The following UMAD1 variants were observed in gnomAD, a reference collection of about 807,000 sequenced individuals.
UMAD1 encodes UBAP1-MVB12-associated (UMA) domain containing 1.
A neutral mutation model predicts 6.1 loss-of-function variants in UMAD1; 8 were observed. The ratio of observed to expected loss-of-function variants is 1.30; its 90% CI spans 0.76 to 2.35. UMAD1 has a LOEUF of 2.35. Among genes scored for constraint, UMAD1 ranks in the 30% most tolerant of loss-of-function variants. The probability of loss-of-function intolerance (pLI) is 0.00; values close to 1 mark genes in which losing one functional copy is unlikely to be tolerated. For missense variants in UMAD1, 130 were observed against 78.4 expected, an observed-to-expected ratio of 1.66 and a Z score of -2.49; for synonymous variants, 56 against 31.4, an observed-to-expected ratio of 1.78 and a Z score of -2.61.
intron 2 of UMAD1, among the ~76,000 whole-genome samples, chr7:7,766,297 C>CT (rs1021525920): frequency 6.6e-6 from 1 of 152,138 alleles, no homozygotes; most frequent in Non-Finnish European, 1.5e-5. Flanking sequence ...TTTATTACTT[C>CT]TTTTTGCAGA....
At chr7:7,743,995 T>G (rs1781521782) in intron 2 of UMAD1, among the ~76,000 whole-genome samples, 1 of 152,166 alleles carries the variant, frequency 6.6e-6, no homozygotes, top group Non-Finnish European at 1.5e-5. Flanking sequence ...CACACAATTG[T>G]ATAACCATTA....
intron 2 of UMAD1, among the ~76,000 whole-genome samples, chr7:7,716,413 T>C (rs1780905896): frequency 6.6e-6 from 1 of 152,218 alleles, no homozygotes; most frequent in Admixed American, 6.5e-5. Flanking sequence ...CCCAAATCAT[T>C]TCTTTTCTAA....
intron 2 of UMAD1, among the ~76,000 whole-genome samples, chr7:7,685,572 T>C (rs542913093): frequency 5.9e-5 from 9 of 152,232 alleles, no homozygotes; most frequent in South Asian, 2.1e-4. Flanking sequence ...AATCCCAAAG[T>C]GCTGGGATTA....
intron 1 of UMAD1, among the ~76,000 whole-genome samples, chr7:7,665,021 A>T (rs1445279340): frequency 2.6e-5 from 4 of 152,188 alleles, no homozygotes; most frequent in Admixed American, 6.5e-5. Context: ...ATATACACAC[A>T]CACACACATT....
intron 3 of UMAD1, among the ~76,000 whole-genome samples, chr7:7,835,462 CTTTTTTTTTTTTTTTTTTT>C (rs150411259): frequency 5.9e-5 from 2 of 33,652 alleles, no homozygotes; most frequent in East Asian, 7.8e-4. Flanking sequence ...TGAAACAGCA[CTTTTTTTTTTTTTTTTTTT>C]TTTTTTTTTT....
At chr7:7,729,442 C>T (rs73352748) in intron 2 of UMAD1, among the ~76,000 whole-genome samples, 40,212 of 152,116 alleles carry the variant, frequency 0.26, 6,162 homozygotes, top group African/African-American at 0.43. Flanking sequence ...CAGATGCTCT[C>T]CATTCTGTCA....
intron 1 of UMAD1, among the ~76,000 whole-genome samples, chr7:7,661,320 A>T (rs926661363): frequency 6.6e-6 from 1 of 151,956 alleles, no homozygotes; most frequent in Non-Finnish European, 1.5e-5. Flanking sequence ...CCTTCTTTCA[A>T]TTTGTCAAAC....
intron 3 of UMAD1, among the ~76,000 whole-genome samples, chr7:7,854,181 C>A (rs781014656): frequency 6.6e-6 from 1 of 151,718 alleles, no homozygotes; most frequent in Non-Finnish European, 1.5e-5. Context: ...CATGGAGAAA[C>A]CCTGTCTCTA....
intron 2 of UMAD1, among the ~76,000 whole-genome samples, chr7:7,752,296 G>A (rs775932870): frequency 1.2e-4 from 19 of 152,104 alleles, no homozygotes; most frequent in Admixed American, 3.3e-4. Context: ...TGAAAACTTA[G>A]TTAATAAAAA....
intron 2 of UMAD1, among the ~76,000 whole-genome samples, chr7:7,702,370 C>T (rs902189657): frequency 2.0e-5 from 3 of 152,072 alleles, no homozygotes; most frequent in African/African-American, 7.2e-5. Context: ...TTTAATATGA[C>T]ATATTTTATT....
intron 2 of UMAD1, among the ~76,000 whole-genome samples, chr7:7,773,768 CTT>C (rs1782146723): frequency 2.6e-5 from 4 of 152,146 alleles, no homozygotes; most frequent in African/African-American, 9.7e-5. Context: ...GGAGGAGACT[CTT>C]AGGCTTTATT....
At chr7:7,655,018 T>C (rs1785308499) in intron 1 of UMAD1, among the ~76,000 whole-genome samples, 2 of 152,224 alleles carry the variant, frequency 1.3e-5, no homozygotes, top group South Asian at 4.1e-4. Flanking sequence ...GCCCACTCTA[T>C]TCTAGAAAAT....
At chr7:7,664,660 G>T (rs1364026926) in intron 1 of UMAD1, among the ~76,000 whole-genome samples, 1 of 152,174 alleles carries the variant, frequency 6.6e-6, no homozygotes, top group East Asian at 1.9e-4. Flanking sequence ...CACATCAGAT[G>T]AAGTTAAACT....
At chr7:7,686,925 TATG>T (rs1780054825) in intron 2 of UMAD1, among the ~76,000 whole-genome samples, 2 of 152,198 alleles carry the variant, frequency 1.3e-5, no homozygotes, top group South Asian at 4.1e-4. Context: ...GGAATGTGGA[TATG>T]ATGATTATGT....
intron 3 of UMAD1, among the ~76,000 whole-genome samples, chr7:7,810,928 T>C (rs183734803): frequency 5.9e-5 from 9 of 152,254 alleles, no homozygotes; most frequent in Admixed American, 2.6e-4. Context: ...AAAACATCTG[T>C]CCCCTGACAC....
At chr7:7,671,254 A>G (rs1241452665) in intron 1 of UMAD1, among the ~76,000 whole-genome samples, 1 of 152,030 alleles carries the variant, frequency 6.6e-6, no homozygotes, top group African/African-American at 2.4e-5. Context: ...TAATTCTTAG[A>G]TTTCCTGTAT....
intron 2 of UMAD1, among the ~76,000 whole-genome samples, chr7:7,790,125 C>T (rs1383650502): frequency 3.9e-5 from 6 of 152,190 alleles, no homozygotes; most frequent in Admixed American, 3.9e-4. Flanking sequence ...CAGTGTTTCT[C>T]AAAGTGTTGT....
chr7:7,653,174 ATGAAGT>A (rs1388156094), intron 1 of UMAD1, among the ~76,000 whole-genome samples: 1 of 152,242 alleles, frequency 6.6e-6, no homozygotes, highest in African/African-American at 2.4e-5. Flanking sequence ...GCAACACCAA[ATGAAGT>A]TGCTTCAGAA....
intron 1 of UMAD1, among the ~76,000 whole-genome samples, chr7:7,670,110 C>T (rs2057931): frequency 0.58 from 88,312 of 151,986 alleles, 25,916 homozygotes; most frequent in East Asian, 0.8. Context: ...ATTCCATACA[C>T]AATACTTGGG....
Sources: gnomAD v4.1 joint callset for allele counts (sites outside exome capture counted in the v4.1 genomes callset) on GRCh38, gnomAD v4.1.1 for gene constraint, MANE v1.5 for transcripts, NCBI Gene and HGNC (gene_info 2026-07-23, HGNC 2026-07-21) for gene names.